Variants in ADRA1A observed in about 807,000 individuals in gnomAD.
ADRA1A encodes the protein alpha-1A adrenergic receptor.
ADRA1A carries 31 observed loss-of-function variants against 29.6 expected under a neutral mutation model. The observed-to-expected ratio is 1.05, with a 90% confidence interval of 0.79 to 1.41. The LOEUF is 1.41. ADRA1A is among the 40% of genes most tolerant of loss of function. The pLI is 0.00. For synonymous variants in ADRA1A, 311 were observed against 254.3 expected, an observed-to-expected ratio of 1.22 and a Z score of -2.12; for missense variants, 619 against 601.1, an observed-to-expected ratio of 1.03 and a Z score of -0.31.
chr8:26,770,599 T>C lies in ADRA1A; in HGVS notation c.951A>G (p.Leu317=), dbSNP rs1332345741. The C allele has an allele frequency of 2.5e-6, 4 of 1,614,098 alleles. No individual in the cohort carries two copies. The African/African-American group carries it at 5.3e-5, about 22-fold the overall frequency. The change falls in exon 3 of 3, where the codon CTA becomes CTG. Residue 317 remains leucine, a synonymous_variant. Transcript: ENST00000380573. ...VFKIVFWLGY[L]NSCINPIIYP... ...ATATGATGGGGTTGATGCAGCTGTTTAGATATCCGAGCCAAAATACTATTT... is the reference window on the plus strand; with the variant it reads ...ATATGATGGGGTTGATGCAGCTGTTCAGATATCCGAGCCAAAATACTATTT...
At chr8:26,863,202 T>G (rs560564421) in intron 2 of ADRA1A, among the ~76,000 whole-genome samples, 1 of 152,322 alleles carries the variant, frequency 6.6e-6, no homozygotes, top group South Asian at 2.1e-4. Context: ...AAACTAAAAA[T>G]AGCACACAAC....
At chr8:26,849,929 A>G (rs1812488216) in intron 2 of ADRA1A, among the ~76,000 whole-genome samples, 1 of 151,894 alleles carries the variant, frequency 6.6e-6, no homozygotes, top group Non-Finnish European at 1.5e-5. Flanking sequence ...ATTGTGTATT[A>G]CAAAAACCAA....
At chr8:26,777,870 G>A (rs533705769) in intron 2 of ADRA1A, among the ~76,000 whole-genome samples, 221 of 152,332 alleles carry the variant, frequency 1.5e-3, no homozygotes, top group African/African-American at 4.8e-3. Flanking sequence ...GCCCAGTGTG[G>A]GATGGAAGTG....
chr8:26,826,622 A>T (rs1405285843), intron 2 of ADRA1A, among the ~76,000 whole-genome samples: 1 of 152,196 alleles, frequency 6.6e-6, no homozygotes, highest in Non-Finnish European at 1.5e-5. Context: ...CTTACCTCCC[A>T]GTCTGACCCC....
At chr8:26,757,250 G>A (rs1461783146) in intron 2 of ADRA1A, 1 of 670,250 alleles carries the variant, frequency 1.5e-6, no homozygotes, top group Non-Finnish European at 2.7e-6. Flanking sequence ...ATTTGGCAGG[G>A]AGATGGCAGC....
chr8:26,815,325 C>A lies in ADRA1A; in HGVS notation c.884-44659G>T, dbSNP rs1269817151. ...AGAGTGGAAAAAGTTGATAAGCTTT[C>A]TTTTACATGCATGGTTAGGTTTGCA... is the stretch of plus-strand genomic sequence containing the variant. On this transcript the variant is annotated intron_variant, in intron 2 of 2. Transcript: ENST00000380573. This position sits in a 1 kb window ranked among gnomAD's most constrained non-coding sequence, Gnocchi z 4.2. Among the ~76,000 whole-genome samples the A allele has an allele frequency of 6.6e-6, 1 of 152,156 alleles. No individual in the cohort carries two copies. Among genetic ancestry groups the A allele is most frequent in the African/African-American group, 2.4e-5 (1 of 41,436 alleles).
At chr8:26,754,883 A>G (rs544230423), downstream of ADRA1A, among the ~76,000 whole-genome samples, 60 of 152,158 alleles carry the variant, frequency 3.9e-4, no homozygotes, top group African/African-American at 1.3e-3. Context: ...ACTCTTTCAT[A>G]CGCTTCAATG....
At chr8:26,761,877 G>A (rs1805522272), downstream of ADRA1A, among the ~76,000 whole-genome samples, 1 of 152,188 alleles carries the variant, frequency 6.6e-6, no homozygotes, top group Non-Finnish European at 1.5e-5. Context: ...AGTAGCAGAT[G>A]GGCTGCTGGG....
intron 2 of ADRA1A, among the ~76,000 whole-genome samples, chr8:26,817,987 T>C (rs139889113): frequency 6.6e-6 from 1 of 152,348 alleles, no homozygotes; most frequent in East Asian, 1.9e-4. Flanking sequence ...TGTATCCACA[T>C]AGTGGAATGT....
At chr8:26,762,817 T>C (rs1389060507), downstream of ADRA1A, among the ~76,000 whole-genome samples, 2 of 152,158 alleles carry the variant, frequency 1.3e-5, no homozygotes, top group African/African-American at 4.8e-5. The surrounding 1 kb of genome is among the most constrained non-coding windows in gnomAD (Gnocchi z 4.0). Flanking sequence ...CTCTCAACAC[T>C]GTGAACACCG....
At chr8:26,836,637 T>C (rs1811384549) in intron 2 of ADRA1A, among the ~76,000 whole-genome samples, 1 of 152,228 alleles carries the variant, frequency 6.6e-6, no homozygotes, top group Non-Finnish European at 1.5e-5. Flanking sequence ...TTAGGCTACA[T>C]AAACCAAAAC....
chr8:26,850,590 A>C (rs1338803340), intron 2 of ADRA1A, among the ~76,000 whole-genome samples: 1 of 152,168 alleles, frequency 6.6e-6, no homozygotes, highest in Non-Finnish European at 1.5e-5. Context: ...CTGCCTCCTG[A>C]GTTCAAGTGA....
At chr8:26,768,272 G>A (rs1336384043), downstream of ADRA1A, among the ~76,000 whole-genome samples, 1 of 152,172 alleles carries the variant, frequency 6.6e-6, no homozygotes, top group Non-Finnish European at 1.5e-5. Context: ...TTGCTGTGAA[G>A]GTTACAGCTG....
chr8:26,753,297 C>T (rs1422001578), downstream of ADRA1A, among the ~76,000 whole-genome samples: 3 of 152,126 alleles, frequency 2.0e-5, no homozygotes, highest in Non-Finnish European at 4.4e-5. Context: ...TTACCATGTG[C>T]CTGACTTCTA....
chr8:26,827,425 C>T (rs951410295), intron 2 of ADRA1A, among the ~76,000 whole-genome samples: 1 of 152,142 alleles, frequency 6.6e-6, no homozygotes, highest in Non-Finnish European at 1.5e-5. Context: ...AACAAGATGT[C>T]CTAAACTAGC....
At chr8:26,830,596 T>A (rs938523844) in intron 2 of ADRA1A, among the ~76,000 whole-genome samples, 1 of 152,344 alleles carries the variant, frequency 6.6e-6, no homozygotes, top group South Asian at 2.1e-4. Context: ...GACAGCATAG[T>A]TGAACCTTCT....
At chr8:26,778,783 G>A (rs942982932) in intron 2 of ADRA1A, among the ~76,000 whole-genome samples, 1 of 134,548 alleles carries the variant, frequency 7.4e-6, no homozygotes, top group African/African-American at 2.8e-5. Flanking sequence ...ATCACACACT[G>A]GGGCCTGTTG....
intron 2 of ADRA1A, among the ~76,000 whole-genome samples, chr8:26,790,472 G>T (rs6557949): frequency 0.038 from 5,841 of 152,196 alleles, 241 homozygotes; most frequent in African/African-American, 0.099. Flanking sequence ...TGGGGAGGGG[G>T]ATAGGGAGAG....
At chr8:26,794,248 A>G (rs1190916884) in intron 2 of ADRA1A, among the ~76,000 whole-genome samples, 1 of 152,112 alleles carries the variant, frequency 6.6e-6, no homozygotes, top group Non-Finnish European at 1.5e-5. Flanking sequence ...TCAGTGATAC[A>G]CCATTAGATT....
Sources: allele counts gnomAD v4.1 joint callset (sites outside exome capture counted in the v4.1 genomes callset), GRCh38; gene constraint gnomAD v4.1.1; non-coding constraint Gnocchi (gnomAD v3.1); transcripts MANE v1.5; gene names NCBI Gene and HGNC (gene_info 2026-07-23, HGNC 2026-07-21).